The following TMEM52B variants were observed in gnomAD, a reference collection of about 807,000 sequenced individuals.
The protein encoded by TMEM52B is transmembrane protein 52B, also known as chromosome 12 open reading frame 59.
In TMEM52B, 11 loss-of-function variants were observed where a neutral mutation model predicts 16.1. The ratio of observed to expected loss-of-function variants is 0.68; its 90% CI spans 0.43 to 1.13. The LOEUF (loss-of-function observed/expected upper bound fraction) is 1.13. TMEM52B is among the 50% of genes most tolerant of loss of function. The probability of loss-of-function intolerance (pLI) is 0.00; values close to 1 mark genes in which losing one functional copy is unlikely to be tolerated. For missense variants in TMEM52B, 243 were observed against 230.4 expected (o/e 1.05, Z -0.35); for synonymous variants, 101 against 93.8 (o/e 1.08, Z -0.45).
Position 10,190,071 on chromosome 12 carries a change from A to G in TMEM52B, c.483A>G (p.Pro161=). 2 of 1,614,164 alleles carry G rather than the reference A, an allele frequency of 1.2e-6. No individual in the cohort carries two copies. Among genetic ancestry groups the G allele is most frequent in the South Asian group, 1.1e-5 (1 of 91,086 alleles). ...MCGQKAPDLP[P]VPEEKQLPPT... ...GGCAGAAAGCACCTGATCTACCCCC[A>G]GTACCTGAAGAAAAGCAGCTGCCTC... The change falls in exon 5 of 5, where the codon CCA becomes CCG. Residue 161 remains proline (P), a synonymous_variant. Transcript: ENST00000543484.
At chr12:10,172,776 A>G (rs16910948) in intron 1 of TMEM52B, among the ~76,000 whole-genome samples, 3,196 of 152,246 alleles carry the variant, frequency 0.021, 101 homozygotes, top group African/African-American at 0.074. Flanking sequence ...TAATACTTTG[A>G]ATCTATGTCT....
rs561829213 is a variant in TMEM52B at position 10,191,679 on chromosome 12, C to T, written c.*1539C>T. 4 of 152,294 alleles carry T rather than the reference C, an allele frequency of 2.6e-5. No individual in the cohort carries two copies. Among genetic ancestry groups the T allele is most frequent in the African/African-American group, 9.6e-5 (4 of 41,546 alleles). The allele number at this position is 152,294 out of a possible 1,614,324, so 9.4% of individuals were successfully genotyped here. A position where few individuals can be genotyped will look rare whatever the true frequency, so the allele number is the denominator to read the frequency against. On this transcript the variant is annotated 3_prime_UTR_variant, in exon 5 of 5. Transcript: ENST00000543484. Reference sequence around the variant, plus strand: ...CTACTGTCTTCTAACCTTCCCTTGCCTGCTATGACTTATCTGAGAGCCATG... The same window carrying T: ...CTACTGTCTTCTAACCTTCCCTTGCTTGCTATGACTTATCTGAGAGCCATG...
At chr12:10,172,933 A>G (rs1948735581) in intron 1 of TMEM52B, among the ~76,000 whole-genome samples, 2 of 152,190 alleles carry the variant, frequency 1.3e-5, no homozygotes. Context: ...AAGCTTTTTT[A>G]CACTAGGTTT....
At position 10,182,436 on chromosome 12, in the gene TMEM52B, G is replaced by A. The variant is rs370577014; in HGVS notation, c.55-114G>A. 25 of 1,414,590 alleles carry A rather than the reference G, an allele frequency of 1.8e-5. No individual in the cohort carries two copies. The East Asian group carries it at 4.1e-4, about 23-fold the overall frequency. 87.6% of individuals were successfully genotyped at this position (1,414,590 alleles called of 1,614,324 possible). A position where few individuals can be genotyped will look rare whatever the true frequency, so the allele number is the denominator to read the frequency against. On this transcript the variant is annotated intron_variant, in intron 1 of 4. Transcript: ENST00000543484. ...TCCTAAATAGACTGCCCCTATGACC[G>A]TGACCTTCTTACTGCTTGATCTAAC...
chr12:10,180,266 G>A (rs970665197), intron 1 of TMEM52B, among the ~76,000 whole-genome samples: 1 of 135,772 alleles, frequency 7.4e-6, no homozygotes, highest in Admixed American at 7.7e-5. Flanking sequence ...AGAGTGGGCT[G>A]TATGGTTTGT....
chr12:10,181,826 A>C (rs1282771311), intron 1 of TMEM52B, among the ~76,000 whole-genome samples: 1 of 150,468 alleles, frequency 6.6e-6, no homozygotes, highest in Non-Finnish European at 1.5e-5. Context: ...CAGGTGTTCG[A>C]GACTAGCCTG....
chr12:10,177,915 A>C (rs1225012963), upstream of TMEM52B, among the ~76,000 whole-genome samples: 3 of 151,274 alleles, frequency 2.0e-5, no homozygotes, highest in Non-Finnish European at 4.4e-5. Context: ...TGCTTTTTTG[A>C]GGCAGATTCT....
upstream of TMEM52B, among the ~76,000 whole-genome samples, chr12:10,178,634 C>G (rs7305138): frequency 1.3e-5 from 2 of 151,606 alleles, no homozygotes; most frequent in African/African-American, 4.9e-5. Context: ...TCACATCACT[C>G]CTTAACCAAA....
intron 4 of TMEM52B, among the ~76,000 whole-genome samples, chr12:10,188,536 GGAAAAGAAGAAAAAGAAAAAGAAA>G (rs1948911676): frequency 8.2e-6 from 1 of 121,280 alleles, no homozygotes; most frequent in Non-Finnish European, 1.8e-5. Flanking sequence ...AAGGAAGGAA[GGAAAAGAAGAAAAAGAAAAAGAAA>G]AAGAAAAAGA....
intron 1 of TMEM52B, among the ~76,000 whole-genome samples, chr12:10,180,991 G>A (rs1948816102): frequency 6.6e-6 from 1 of 151,964 alleles, no homozygotes; most frequent in Non-Finnish European, 1.5e-5. Flanking sequence ...TTTTTTAGTA[G>A]AGATGGGGTT....
At chr12:10,188,491 G>GGGAAGGAA (rs56380186) in intron 4 of TMEM52B, among the ~76,000 whole-genome samples, 1,954 of 77,934 alleles carry the variant, frequency 0.025, 57 homozygotes, top group African/African-American at 0.053. Context: ...AAGAGAGAGA[G>GGGAAGGAA]GGAAGGAAGG....
intron 1 of TMEM52B, among the ~76,000 whole-genome samples, chr12:10,171,138 T>G (rs1948712436): frequency 1.3e-5 from 2 of 152,248 alleles, no homozygotes; most frequent in Non-Finnish European, 2.9e-5. Flanking sequence ...TTATAGCAAT[T>G]TAGTTCATTG....
chr12:10,181,282 A>G (rs1948819386), intron 1 of TMEM52B, among the ~76,000 whole-genome samples: 1 of 152,072 alleles, frequency 6.6e-6, no homozygotes, highest in Admixed American at 6.5e-5. Context: ...ACACATATCT[A>G]TGATAGAGTT....
upstream of TMEM52B, among the ~76,000 whole-genome samples, chr12:10,175,800 T>C (rs571943683): frequency 2.0e-5 from 3 of 152,326 alleles, no homozygotes; most frequent in South Asian, 6.2e-4. Flanking sequence ...TAGTTTGAGG[T>C]TGATGCCTCA....
At chr12:10,182,081 T>C in intron 1 of TMEM52B, 1 of 979,430 alleles carries the variant, frequency 1.0e-6, no homozygotes, top group African/African-American at 1.8e-5. Context: ...TGGCATCTAG[T>C]AGCTATTCGA....
upstream of TMEM52B, among the ~76,000 whole-genome samples, chr12:10,176,338 A>T (rs1212266961): frequency 1.3e-5 from 2 of 152,168 alleles, no homozygotes; most frequent in Non-Finnish European, 2.9e-5. Context: ...TAATAATTCT[A>T]AGAAAGGAAA....
rs35462284 is a variant in TMEM52B at position 10,171,926 on chromosome 12, C to G, written c.-95+1075C>G. The G allele has an allele frequency of 2.2e-3, 2,381 of 1,087,878 alleles. 25 individuals carry two copies. Among genetic ancestry groups the G allele is most frequent in the African/African-American group, 0.017 (1,079 of 64,290 alleles). The allele number at this position is 1,087,878 out of a possible 1,614,324, so 67.4% of individuals were successfully genotyped here. A position where few individuals can be genotyped will look rare whatever the true frequency, so the allele number is the denominator to read the frequency against. Reference sequence around the variant, plus strand: ...TACTTGGGTGTTTAGCTTTCTAATCCCATTCTTCGGTGAATTTACATTTTG... The same window carrying G: ...TACTTGGGTGTTTAGCTTTCTAATCGCATTCTTCGGTGAATTTACATTTTG... On this transcript the variant is annotated intron_variant, in intron 1 of 5. Transcript: ENST00000381923.
intron 3 of TMEM52B, 105 bp from the exon 4 acceptor site, chr12:10,186,315 A>G (rs1948878425): frequency 1.3e-6 from 1 of 764,138 alleles, no homozygotes. Flanking sequence ...TATTCTATAA[A>G]ATGTTTAGAC....
At position 10,190,727 on chromosome 12, in the gene TMEM52B, T is replaced by C. The variant is rs910799406; in HGVS notation, c.*587T>C. The C allele has an allele frequency of 1.3e-5, 2 of 157,470 alleles. No homozygotes were observed. Among genetic ancestry groups the C allele is most frequent in the Non-Finnish European group, 2.8e-5 (2 of 70,846 alleles). 9.8% of individuals were successfully genotyped at this position (157,470 alleles called of 1,614,324 possible). A position where few individuals can be genotyped will look rare whatever the true frequency, so the allele number is the denominator to read the frequency against. On this transcript the variant is annotated 3_prime_UTR_variant, in exon 5 of 5. Coordinates refer to ENST00000543484, the MANE Select transcript of TMEM52B (RefSeq NM_001384896.1). ...AGTATTTAAGTGCCAAATATCAGTCTTTCTTTCTCTCTGGTCCTACCCCTC... is the reference window on the plus strand; with the variant it reads ...AGTATTTAAGTGCCAAATATCAGTCCTTCTTTCTCTCTGGTCCTACCCCTC...
Sources: allele counts gnomAD v4.1 joint callset (sites outside exome capture counted in the v4.1 genomes callset), GRCh38; gene constraint gnomAD v4.1.1; transcripts MANE v1.5; gene names NCBI Gene and HGNC (gene_info 2026-07-23, HGNC 2026-07-21).